Variants in STXBP5L observed in about 807,000 individuals in gnomAD.
STXBP5L encodes syntaxin binding protein 5L, also known as syntaxin-binding protein 5-like.
A neutral mutation model predicts 144.5 loss-of-function variants in STXBP5L; 65 were observed. That is an observed-to-expected ratio of 0.45 (90% CI 0.37 to 0.55). The LOEUF (loss-of-function observed/expected upper bound fraction) is 0.55. Ranked by LOEUF, STXBP5L falls within the 20% of genes least tolerant of loss-of-function variation. STXBP5L has a pLI of 0.00. For synonymous variants in STXBP5L, 505 were observed against 469.6 expected, an observed-to-expected ratio of 1.08 and a Z score of -0.97; for missense variants, 1,298 against 1,405.5, an observed-to-expected ratio of 0.92 and a Z score of 1.22.
At chr3:121,231,645 G>C (rs904901002) in intron 11 of STXBP5L, among the ~76,000 whole-genome samples, 1 of 152,076 alleles carries the variant, frequency 6.6e-6, no homozygotes, top group Non-Finnish European at 1.5e-5. Context: ...ACTAGAAAGA[G>C]ATATATATAT....
At chr3:120,908,635 C>G (rs1708658863) in intron 1 of STXBP5L, among the ~76,000 whole-genome samples, 1 of 151,324 alleles carries the variant, frequency 6.6e-6, no homozygotes, top group African/African-American at 2.4e-5. Context: ...GGGGGAGGGA[C>G]AGCGGGAGCG....
chr3:121,009,885 C>A (rs954251102), intron 3 of STXBP5L, among the ~76,000 whole-genome samples: 1 of 151,856 alleles, frequency 6.6e-6, no homozygotes, highest in Admixed American at 6.6e-5. Flanking sequence ...GACATCATGG[C>A]CTTGCTCAAG....
chr3:121,375,753 C>G lies in STXBP5L; in HGVS notation c.2177-2963C>G, dbSNP rs192481040. Among the ~76,000 whole-genome samples, 12 of 152,282 alleles carry G rather than the reference C, an allele frequency of 7.9e-5. No individual in the cohort carries two copies. The East Asian group carries it at 2.3e-3, about 29-fold the overall frequency. On this transcript the variant is annotated intron_variant, in intron 20 of 26. Transcript: ENST00000471454. The stretch of plus-strand genomic sequence containing the variant: ...CAGGAAATGTACAATTATACCTTTT[C>G]AAACTCTATAATACAGTAAGGCTAT...
intron 24 of STXBP5L, among the ~76,000 whole-genome samples, chr3:121,415,358 C>A (rs1055509509): frequency 1.3e-5 from 2 of 152,164 alleles, no homozygotes; most frequent in Non-Finnish European, 2.9e-5. Context: ...GTACTTCACC[C>A]TATACAGTAG....
intron 7 of STXBP5L, among the ~76,000 whole-genome samples, chr3:121,144,529 T>C (rs2045643510): frequency 1.3e-5 from 2 of 151,918 alleles, no homozygotes; most frequent in African/African-American, 4.8e-5. Context: ...GACTGCAAAA[T>C]GGTTCAACCA....
chr3:121,385,265 C>T (rs1026255546), intron 22 of STXBP5L, among the ~76,000 whole-genome samples: 5 of 152,018 alleles, frequency 3.3e-5, no homozygotes, highest in African/African-American at 1.2e-4. Flanking sequence ...TCTGGTGAGG[C>T]CTCAGGAAGC....
chr3:121,092,138 T>C (rs946113554), intron 5 of STXBP5L, among the ~76,000 whole-genome samples: 2 of 152,194 alleles, frequency 1.3e-5, no homozygotes, highest in Non-Finnish European at 2.9e-5. Flanking sequence ...ATATCTCTGT[T>C]TTGGTACCAG....
chr3:121,087,429 G>A (rs1320825399), intron 5 of STXBP5L, among the ~76,000 whole-genome samples: 1 of 151,856 alleles, frequency 6.6e-6, no homozygotes, highest in South Asian at 2.1e-4. Context: ...ATTATTTGGT[G>A]TCCCTCTCTA....
intron 3 of STXBP5L, among the ~76,000 whole-genome samples, chr3:120,976,705 C>G (rs1941070037): frequency 6.6e-6 from 1 of 152,206 alleles, no homozygotes; most frequent in Non-Finnish European, 1.5e-5. Flanking sequence ...TTCCTCTACA[C>G]ACTGCTTTGA....
chr3:121,066,249 AG>A (rs1037184747), intron 5 of STXBP5L, among the ~76,000 whole-genome samples: 16 of 152,052 alleles, frequency 1.1e-4, no homozygotes, highest in African/African-American at 3.9e-4. Context: ...TACTGATTGT[AG>A]GGGGAATGTT....
At chr3:121,191,844 G>A (rs2047698659) in intron 9 of STXBP5L, among the ~76,000 whole-genome samples, 1 of 151,698 alleles carries the variant, frequency 6.6e-6, no homozygotes. Flanking sequence ...ATTATTGCAA[G>A]GACAGAAAAC....
At chr3:121,108,439 T>C (rs186340138) in intron 5 of STXBP5L, among the ~76,000 whole-genome samples, 1 of 152,356 alleles carries the variant, frequency 6.6e-6, no homozygotes, top group Non-Finnish European at 1.5e-5. Flanking sequence ...TTGAATTTTA[T>C]AAAAGGCCTT....
intron 3 of STXBP5L, among the ~76,000 whole-genome samples, chr3:120,970,969 G>T (rs1553757519): frequency 6.6e-6 from 1 of 152,112 alleles, no homozygotes; most frequent in Non-Finnish European, 1.5e-5. Context: ...TTCCTGAACT[G>T]GGGAACACTT....
At chr3:120,994,164 T>C (rs1943153566) in intron 3 of STXBP5L, among the ~76,000 whole-genome samples, 1 of 152,094 alleles carries the variant, frequency 6.6e-6, no homozygotes, top group Non-Finnish European at 1.5e-5. Flanking sequence ...CTTTAATGAA[T>C]TTGTTTATTA....
chr3:121,406,891 A>G (rs977836787), intron 22 of STXBP5L, among the ~76,000 whole-genome samples: 5 of 152,186 alleles, frequency 3.3e-5, no homozygotes, highest in African/African-American at 1.2e-4. Context: ...ACTATATAGT[A>G]TAATGAAAGA....
intron 19 of STXBP5L, among the ~76,000 whole-genome samples, chr3:121,313,417 T>A (rs1184147092): frequency 1.4e-5 from 1 of 70,918 alleles, no homozygotes; most frequent in Non-Finnish European, 2.6e-5. Context: ...CCTCCCGGAC[T>A]GGGCGGCTGG....
intron 9 of STXBP5L, among the ~76,000 whole-genome samples, chr3:121,188,896 C>T (rs2047513282): frequency 6.6e-6 from 1 of 152,162 alleles, no homozygotes; most frequent in Non-Finnish European, 1.5e-5. Flanking sequence ...TGAAAACTGG[C>T]ACAAGACAGG....
intron 9 of STXBP5L, among the ~76,000 whole-genome samples, chr3:121,189,418 C>A (rs1240998573): frequency 6.6e-6 from 1 of 152,160 alleles, no homozygotes; most frequent in Non-Finnish European, 1.5e-5. Flanking sequence ...AGGAAGGGAT[C>A]CAGTTTCAGC....
At chr3:121,388,930 T>C (rs912324820) in intron 22 of STXBP5L, among the ~76,000 whole-genome samples, 3 of 152,222 alleles carry the variant, frequency 2.0e-5, no homozygotes, top group African/African-American at 7.2e-5. Context: ...GGATTCCCTC[T>C]TTTTCTATTG....
Sources: gnomAD v4.1 joint callset for allele counts (sites outside exome capture counted in the v4.1 genomes callset) on GRCh38, gnomAD v4.1.1 for gene constraint, MANE v1.5 for transcripts, NCBI Gene and HGNC (gene_info 2026-07-23, HGNC 2026-07-21) for gene names.